Variants in AXIN1 observed in about 807,000 individuals in gnomAD.
AXIN1 encodes axin-1.
In AXIN1, 30 loss-of-function variants were observed where a neutral mutation model predicts 76.4. That is an observed-to-expected ratio of 0.39 (90% CI 0.29 to 0.53). AXIN1 has a LOEUF of 0.53. Among genes scored for constraint, AXIN1 ranks in the 20% least tolerant of loss-of-function variants. The pLI is 0.66. For missense variants in AXIN1, 1,140 were observed against 1,198.8 expected (o/e 0.95, Z 0.72); for synonymous variants, 545 against 501.4 (o/e 1.09, Z -1.16).
chr16:295,961 C>T (rs957176184), intron 7 of AXIN1, among the ~76,000 whole-genome samples: 9 of 131,084 alleles, frequency 6.9e-5, no homozygotes, highest in South Asian at 2.3e-4. Context: ...AGCTAGACTC[C>T]GTCTCAAAAA....
chr16:303,974 G>C (rs961309594), intron 5 of AXIN1, among the ~76,000 whole-genome samples: 3 of 152,172 alleles, frequency 2.0e-5, no homozygotes, highest in African/African-American at 4.8e-5. Context: ...AAGAAGTTGA[G>C]ATCACCCGCT....
At chr16:323,213 GCAT>G (rs2053497293) in intron 2 of AXIN1, among the ~76,000 whole-genome samples, 3 of 152,086 alleles carry the variant, frequency 2.0e-5, no homozygotes, top group Admixed American at 2.0e-4. Context: ...GCCAACGCAG[GCAT>G]ATCACGAGGT....
At chr16:312,297 G>A (rs1226248428) in intron 3 of AXIN1, among the ~76,000 whole-genome samples, 3 of 152,104 alleles carry the variant, frequency 2.0e-5, no homozygotes, top group African/African-American at 4.8e-5. Flanking sequence ...ATTTGCTTTC[G>A]AGTACGTGTA....
intron 2 of AXIN1, among the ~76,000 whole-genome samples, chr16:329,511 T>A (rs1441849413): frequency 6.6e-6 from 1 of 152,152 alleles, no homozygotes; most frequent in Non-Finnish European, 1.5e-5. Context: ...AATGGCGTGA[T>A]CTTGGCTCAA....
intron 2 of AXIN1, among the ~76,000 whole-genome samples, chr16:317,585 C>T (rs1461742904): frequency 1.3e-5 from 2 of 152,156 alleles, no homozygotes; most frequent in Non-Finnish European, 1.5e-5. Flanking sequence ...ACCATGGGGC[C>T]GCTCTTGGGA....
chr16:309,990 G>A lies in AXIN1; in HGVS notation c.1099C>T (p.Pro367Ser), dbSNP rs1270638503. 1.2e-6 allele frequency: 2 copies of A among 1,613,352 alleles called. No individual in the cohort carries two copies. Among genetic ancestry groups the A allele is most frequent in the African/African-American group, 1.3e-5 (1 of 74,948 alleles). ...GTACTTACGGGAATGTGAGGTAGGG[G>A]CACCCGCCCATTGACCTGCACGCTC... ...QESVQVNGRV[P>S]LPHIPRTYRV... Residue 367 changes from proline to serine, a missense_variant, in exon 4 of 11, where the codon CCC becomes TCC. Physicochemically the swap from Pro to Ser is moderately conservative, Grantham distance 74. This residue lies in a region of AXIN1 where 708 missense variants were observed against 776.9 expected (regional missense o/e 0.91). Transcript: ENST00000262320.
At chr16:308,611 G>A (rs912358937) in intron 4 of AXIN1, among the ~76,000 whole-genome samples, 9 of 152,228 alleles carry the variant, frequency 5.9e-5, no homozygotes, top group African/African-American at 2.2e-4. Context: ...GGTTCTTGAC[G>A]TTCAGGACCT....
chr16:337,400 C>T (rs1267959887), intron 2 of AXIN1, among the ~76,000 whole-genome samples: 4 of 150,708 alleles, frequency 2.7e-5, no homozygotes, highest in South Asian at 2.1e-4. Flanking sequence ...ATATTACAAG[C>T]AGCACTCCTT....
intron 2 of AXIN1, among the ~76,000 whole-genome samples, chr16:327,123 C>G (rs1164758866): frequency 6.6e-6 from 1 of 151,494 alleles, no homozygotes; most frequent in South Asian, 2.1e-4. Context: ...ACCTGGGCGA[C>G]AGAGCGAGGC....
At chr16:349,515 G>A (rs1326911073) in intron 1 of AXIN1, among the ~76,000 whole-genome samples, 2 of 152,192 alleles carry the variant, frequency 1.3e-5, no homozygotes, top group Admixed American at 6.5e-5. Flanking sequence ...TCACCGGAGA[G>A]TGGAAAGTGA....
chr16:294,712 C>A (rs2141491597), intron 7 of AXIN1, among the ~76,000 whole-genome samples: 1 of 141,734 alleles, frequency 7.1e-6, no homozygotes, highest in African/African-American at 2.7e-5. Context: ...TTGACACTGG[C>A]CTGTTGCACT....
At chr16:347,395 C>G (rs2054054303) in intron 1 of AXIN1, among the ~76,000 whole-genome samples, 1 of 152,230 alleles carries the variant, frequency 6.6e-6, no homozygotes, top group South Asian at 2.1e-4. Flanking sequence ...ATCACGGAGG[C>G]TGGCAGCTTG....
intron 5 of AXIN1, among the ~76,000 whole-genome samples, chr16:301,947 G>A (rs1293355003): frequency 6.6e-6 from 1 of 152,214 alleles, no homozygotes; most frequent in African/African-American, 2.4e-5. Flanking sequence ...GTCACAGCCC[G>A]TGGGCCCGGA....
chr16:326,583 C>T (rs11860105), intron 2 of AXIN1, among the ~76,000 whole-genome samples: 16,217 of 149,758 alleles, frequency 0.11, 981 homozygotes, highest in African/African-American at 0.17. Context: ...CCCATCTCTA[C>T]TAAAAATACA....
At chr16:313,995 C>T (rs759960404) in intron 3 of AXIN1, among the ~76,000 whole-genome samples, 2 of 152,372 alleles carry the variant, frequency 1.3e-5, no homozygotes, top group East Asian at 1.9e-4. Flanking sequence ...GGACCCTGTA[C>T]TGCACCAGCG....
chr16:318,724 G>A (rs2053363105), intron 2 of AXIN1, among the ~76,000 whole-genome samples: 1 of 152,218 alleles, frequency 6.6e-6, no homozygotes, highest in African/African-American at 2.4e-5. Context: ...ATCCATCTGT[G>A]TGCGCGCCCG....
intron 2 of AXIN1, among the ~76,000 whole-genome samples, chr16:320,815 C>CTACAACCTCTGCCTCCTGGG (rs1555482212): frequency 2.1e-5 from 3 of 143,630 alleles, no homozygotes; most frequent in East Asian, 2.0e-4. Flanking sequence ...TCTCGGCTCA[C>CTACAACCTCTGCCTCCTGGG]TACAACCTCC....
In AXIN1 at chr16:288,924, C is replaced by A. The variant is rs117474772; in HGVS notation, c.2462+516G>T. 2.0e-5 allele frequency among the ~76,000 whole-genome samples: 3 copies of A among 152,338 alleles called. No individual in the cohort carries two copies. In the East Asian group the frequency reaches 5.8e-4, roughly 29 times the overall value. On this transcript the variant is annotated intron_variant, in intron 10 of 10. Transcript: ENST00000262320. ...CGTCTAGGGGTCTGGCCTCTGTTTTCCCACCCCGAAGATGAGGGCCCTGGA... is the reference window on the plus strand; with the variant it reads ...CGTCTAGGGGTCTGGCCTCTGTTTTACCACCCCGAAGATGAGGGCCCTGGA...
chr16:333,316 G>C (rs1386297956), intron 2 of AXIN1, among the ~76,000 whole-genome samples: 2 of 150,946 alleles, frequency 1.3e-5, no homozygotes, highest in Non-Finnish European at 2.9e-5. Context: ...CGGGCAACAA[G>C]AGCGAAATTC....
Sources: gnomAD v4.1 joint callset for allele counts (sites outside exome capture counted in the v4.1 genomes callset) on GRCh38, gnomAD v4.1.1 for gene constraint, gnomAD v4.1.1 regional missense constraint, MANE v1.5 for transcripts, NCBI Gene and HGNC (gene_info 2026-07-23, HGNC 2026-07-21) for gene names.